The following ACSBG1 variants were observed in gnomAD, a reference collection of about 807,000 sequenced individuals.
ACSBG1 encodes long-chain-fatty-acid--CoA ligase ACSBG1.
In ACSBG1, 39 loss-of-function variants were observed where a neutral mutation model predicts 80.2. That is an observed-to-expected ratio of 0.49 (90% CI 0.38 to 0.64). ACSBG1 has a LOEUF of 0.64. Ranked by LOEUF, ACSBG1 falls within the 30% of genes least tolerant of loss-of-function variation. ACSBG1 has a pLI of 0.00. For synonymous variants in ACSBG1, 392 were observed against 379.5 expected (o/e 1.03, Z -0.38); for missense variants, 828 against 966.4 (o/e 0.86, Z 1.90).
At chr15:78,226,880 A>G (rs2075407791) in intron 1 of ACSBG1, among the ~76,000 whole-genome samples, 1 of 146,246 alleles carries the variant, frequency 6.8e-6, no homozygotes, top group Admixed American at 6.9e-5. Context: ...GAAAAAAACT[A>G]GGTAAATTGG....
intron 5 of ACSBG1, among the ~76,000 whole-genome samples, chr15:78,187,576 C>A (rs2075016698): frequency 6.6e-6 from 1 of 152,154 alleles, no homozygotes; most frequent in South Asian, 2.1e-4. Flanking sequence ...ACAAAAACCA[C>A]ATGATTATCT....
intron 1 of ACSBG1, among the ~76,000 whole-genome samples, chr15:78,216,229 C>CA (rs2075311073): frequency 6.6e-6 from 1 of 152,200 alleles, no homozygotes; most frequent in Non-Finnish European, 1.5e-5. Flanking sequence ...CCGGATGTTG[C>CA]ATGGGACGAG....
rs535620642 is a variant in ACSBG1 at position 78,228,749 on chromosome 15, T to C, written c.131+5622A>G. Among the ~76,000 whole-genome samples the C allele has an allele frequency of 3.9e-5, 6 of 152,338 alleles. No homozygotes were observed. In the East Asian group the frequency reaches 9.6e-4, roughly 24 times the overall value. On this transcript the variant is annotated intron_variant, in intron 1 of 13. Transcript: ENST00000258873. ...GTGGCTTTTACATGATAGTCCCAAATCTGCCCTGTTCCCACTGGCTTTTAG... is the reference window on the plus strand; with the variant it reads ...GTGGCTTTTACATGATAGTCCCAAACCTGCCCTGTTCCCACTGGCTTTTAG...
At chr15:78,189,874 A>G (rs2075042029) in intron 5 of ACSBG1, among the ~76,000 whole-genome samples, 1 of 152,186 alleles carries the variant, frequency 6.6e-6, no homozygotes, top group Non-Finnish European at 1.5e-5. Context: ...ATTGGCAATA[A>G]TAAGTTTTGG....
intron 2 of ACSBG1, among the ~76,000 whole-genome samples, chr15:78,207,352 C>A (rs1342999417): frequency 1.3e-5 from 2 of 152,188 alleles, no homozygotes; most frequent in African/African-American, 4.8e-5. Context: ...GCAGCAGTGA[C>A]CCTCTGTGCT....
rs2074765159 is a variant in ACSBG1, at chr15:78,167,861, A to G, written c.*3583T>C. Reference sequence around the variant, plus strand: ...TAATTTGAAATTATATCGTGTGGCCAAAATACAAGAAATTCAGGCTTGTTT... The same window carrying G: ...TAATTTGAAATTATATCGTGTGGCCGAAATACAAGAAATTCAGGCTTGTTT... On this transcript the variant is annotated 3_prime_UTR_variant, in exon 14 of 14. Transcript: ENST00000258873. 1 of 152,222 alleles carries G rather than the reference A, an allele frequency of 6.6e-6. No individual in the cohort carries two copies. Among genetic ancestry groups the G allele is most frequent in the African/African-American group, 2.4e-5 (1 of 41,464 alleles). 9.4% of individuals were successfully genotyped at this position (152,222 alleles called of 1,614,324 possible). A position where few individuals can be genotyped will look rare whatever the true frequency, so the allele number is the denominator to read the frequency against.
Position 78,169,806 on chromosome 15 carries a change from A to C in ACSBG1, c.*1638T>G, listed in dbSNP as rs1241011788. The C allele has an allele frequency of 6.6e-6, 1 of 152,210 alleles. No individual in the cohort carries two copies. The highest frequency in any genetic ancestry group is 1.9e-4 in the East Asian group (1 of 5,196). 9.4% of individuals were successfully genotyped at this position (152,210 alleles called of 1,614,324 possible). A position where few individuals can be genotyped will look rare whatever the true frequency, so the allele number is the denominator to read the frequency against. On this transcript the variant is annotated 3_prime_UTR_variant, in exon 14 of 14. Transcript: ENST00000258873. ...GCATCATGAGTTGTCACAGCCTCTG[A>C]GCCCCTGATCTGAAGCCAGAAGGGC... is the stretch of plus-strand genomic sequence containing the variant.
At position 78,172,242 on chromosome 15, in the gene ACSBG1, A is replaced by G. The variant is rs753342630; in HGVS notation, c.2090-713T>C. Among the ~76,000 whole-genome samples, 6 of 152,234 alleles carry G rather than the reference A, an allele frequency of 3.9e-5. No individual in the cohort carries two copies. Among genetic ancestry groups the G allele is most frequent in the South Asian group, 2.1e-4 (1 of 4,832 alleles). On this transcript the variant is annotated intron_variant, in intron 13 of 13. Transcript: ENST00000258873. The surrounding 1 kb of genome is among the most constrained non-coding windows in gnomAD (Gnocchi z 4.1). ...TGACCCATAGAAATGTGGATAATAA[A>G]TGTTTACTGCTTTAGGCTGCTACAT...
At chr15:78,224,621 T>C (rs1013926700) in intron 1 of ACSBG1, among the ~76,000 whole-genome samples, 16 of 152,040 alleles carry the variant, frequency 1.1e-4, no homozygotes, top group Non-Finnish European at 2.2e-4. Flanking sequence ...CTCAAGAGGC[T>C]GAGGCAGGAG....
Position 78,179,564 on chromosome 15 carries a change from G to A in ACSBG1, c.1470C>T (p.Asn490=). The part of the protein sequence containing the change: ...SGPHFMSSPY[N]YRLYSSGKLV... ...TCGAGCCTCACCTGTACAGCCGGTAGTTGTAGGGACTGGACATGAAGTGGG... is the reference window on the plus strand; with the variant it reads ...TCGAGCCTCACCTGTACAGCCGGTAATTGTAGGGACTGGACATGAAGTGGG... Residue 490 remains asparagine, a synonymous_variant, in exon 10 of 14, where the codon AAC becomes AAT. Coordinates refer to ENST00000258873, the MANE Select transcript of ACSBG1 (RefSeq NM_015162.5). 6.2e-7 allele frequency: 1 copy of A among 1,613,340 alleles called. No homozygotes were observed. Among genetic ancestry groups the A allele is most frequent in the East Asian group, 2.2e-5 (1 of 44,842 alleles).
At chr15:78,201,653 A>G (rs2141359030) in intron 2 of ACSBG1, among the ~76,000 whole-genome samples, 1 of 152,294 alleles carries the variant, frequency 6.6e-6, no homozygotes, top group Admixed American at 6.5e-5. Flanking sequence ...CCTTCTTCTC[A>G]TGTCCATGTG....
chr15:78,211,978 T>C (rs2075270628), intron 1 of ACSBG1, among the ~76,000 whole-genome samples: 1 of 152,246 alleles, frequency 6.6e-6, no homozygotes, highest in South Asian at 2.1e-4. Flanking sequence ...CAGTACATGT[T>C]GGTTGGACCT....
chr15:78,185,165 T>C lies in ACSBG1; in HGVS notation c.664-2380A>G, dbSNP rs765573436. Among the ~76,000 whole-genome samples the C allele has an allele frequency of 4.6e-5, 7 of 151,888 alleles. No homozygotes were observed. In the South Asian group the frequency reaches 1.3e-3, roughly 27 times the overall value. On this transcript the variant is annotated intron_variant, in intron 5 of 13. Coordinates refer to ENST00000258873, the MANE Select transcript of ACSBG1 (RefSeq NM_015162.5). Reference sequence around the variant, plus strand: ...GCTGAGGCGGCTAGAATTTGTGAGATAGAATACCAGCAGACAGGAGAGAAC... The same window carrying C: ...GCTGAGGCGGCTAGAATTTGTGAGACAGAATACCAGCAGACAGGAGAGAAC...
At chr15:78,182,673 C>T in intron 6 of ACSBG1, 32 bp downstream of exon 6, 2 of 1,614,000 alleles carry the variant, frequency 1.2e-6, no homozygotes, top group Non-Finnish European at 1.7e-6. Context: ...CCAATAGGCC[C>T]CACCTGGCGC....
At chr15:78,219,470 TAGAG>T (rs906974975) in intron 1 of ACSBG1, among the ~76,000 whole-genome samples, 4 of 145,500 alleles carry the variant, frequency 2.7e-5, no homozygotes, top group Non-Finnish European at 4.5e-5. Flanking sequence ...ATCCAAAGGG[TAGAG>T]AGAGAACTAT....
intron 1 of ACSBG1, among the ~76,000 whole-genome samples, chr15:78,210,069 A>G (rs1313720371): frequency 6.6e-6 from 1 of 152,188 alleles, no homozygotes; most frequent in Non-Finnish European, 1.5e-5. Context: ...GTTTATAGGG[A>G]CGATGAGGCT....
chr15:78,189,035 G>A (rs1267195772), intron 5 of ACSBG1, among the ~76,000 whole-genome samples: 1 of 151,714 alleles, frequency 6.6e-6, no homozygotes, highest in Admixed American at 6.6e-5. Context: ...CTTCTCAAAA[G>A]AAGACATCTA....
chr15:78,197,935 C>G (rs1236141093), intron 2 of ACSBG1, among the ~76,000 whole-genome samples: 1 of 152,140 alleles, frequency 6.6e-6, no homozygotes, highest in Non-Finnish European at 1.5e-5. Context: ...GCTCACGCTC[C>G]TCTGTATTCA....
intron 1 of ACSBG1, among the ~76,000 whole-genome samples, chr15:78,225,882 G>GCTGCAGTGCC (rs1567101047): frequency 6.6e-6 from 1 of 152,208 alleles, no homozygotes; most frequent in Admixed American, 6.5e-5. Flanking sequence ...GTCAACCAGG[G>GCTGCAGTGCC]CTGCAGTCTT....
Sources: allele counts gnomAD v4.1 joint callset (sites outside exome capture counted in the v4.1 genomes callset), GRCh38; gene constraint gnomAD v4.1.1; non-coding constraint Gnocchi (gnomAD v3.1); transcripts MANE v1.5; gene names NCBI Gene and HGNC (gene_info 2026-07-23, HGNC 2026-07-21).